LRRC1: variants seen among roughly 807,000 people sequenced by gnomAD.
LRRC1 encodes the protein leucine rich repeat containing 1.
Under a neutral mutation model 69.9 loss-of-function variants are expected in LRRC1, and 28 were observed. The ratio of observed to expected loss-of-function variants is 0.40; its 90% CI spans 0.30 to 0.55. The LOEUF is 0.55. Ranked by LOEUF, LRRC1 falls within the 20% of genes least tolerant of loss-of-function variation. The pLI, the probability that LRRC1 is intolerant of heterozygous loss-of-function variation, is 0.47. For synonymous variants in LRRC1, 236 were observed against 240.2 expected, an observed-to-expected ratio of 0.98 and a Z score of 0.16; for missense variants, 498 against 609.0, an observed-to-expected ratio of 0.82 and a Z score of 1.92.
rs568105165 is a variant in LRRC1 at position 53,866,585 on chromosome 6, C to T, written c.278-12408C>T. On this transcript the variant is annotated intron_variant, in intron 2 of 13. Transcript: ENST00000370888. ...AACGCTTCAAACAAGGAGTATTGGG[C>T]ACTGTGGAAGGCCTCATTATTTGGG... 5.3e-5 allele frequency among the ~76,000 whole-genome samples: 8 copies of T among 152,186 alleles called. No homozygotes were observed. In the South Asian group the frequency reaches 1.7e-3, roughly 32 times the overall value.
At chr6:53,797,663 CA>C (rs1764342403) in intron 1 of LRRC1, among the ~76,000 whole-genome samples, 1 of 152,196 alleles carries the variant, frequency 6.6e-6, no homozygotes, top group Non-Finnish European at 1.5e-5. Context: ...TGTTTGGAAG[CA>C]CAGCTTAAGG....
intron 1 of LRRC1, among the ~76,000 whole-genome samples, chr6:53,795,672 G>T (rs989851033): frequency 1.3e-5 from 2 of 152,200 alleles, no homozygotes; most frequent in Non-Finnish European, 2.9e-5. Context: ...AAGCGTTCTG[G>T]ACTGTTAAGT....
chr6:53,799,864 T>C (rs1177217980), intron 1 of LRRC1, among the ~76,000 whole-genome samples: 1 of 152,350 alleles, frequency 6.6e-6, no homozygotes, highest in African/African-American at 2.4e-5. Context: ...CCTTCTTCTC[T>C]CCATTTTGTT....
chr6:53,886,032 C>T (rs929848765), intron 4 of LRRC1, among the ~76,000 whole-genome samples: 1 of 152,108 alleles, frequency 6.6e-6, no homozygotes, highest in Non-Finnish European at 1.5e-5. Flanking sequence ...TAGGTCCAAA[C>T]ATCTTAATAA....
chr6:53,852,145 C>T (rs979789255), intron 2 of LRRC1, among the ~76,000 whole-genome samples: 2 of 152,158 alleles, frequency 1.3e-5, no homozygotes, highest in Non-Finnish European at 2.9e-5. Flanking sequence ...ATAGCACCTA[C>T]TGTATAGAGA....
intron 2 of LRRC1, among the ~76,000 whole-genome samples, chr6:53,856,153 A>G (rs564008856): frequency 6.6e-6 from 1 of 152,360 alleles, no homozygotes; most frequent in South Asian, 2.1e-4. Context: ...ACAGCAAGCA[A>G]TAGTGAAAGT....
intron 10 of LRRC1, among the ~76,000 whole-genome samples, chr6:53,910,806 G>A (rs1196549219): frequency 6.6e-6 from 1 of 152,146 alleles, no homozygotes; most frequent in Non-Finnish European, 1.5e-5. Context: ...CAAAGCATCC[G>A]CTCCCTCCAT....
At chr6:53,819,117 G>C (rs1765040289) in intron 1 of LRRC1, among the ~76,000 whole-genome samples, 1 of 152,190 alleles carries the variant, frequency 6.6e-6, no homozygotes. Context: ...AATGCCAAGA[G>C]CTGTGGAAGA....
chr6:53,815,593 G>A (rs181823366), intron 1 of LRRC1, among the ~76,000 whole-genome samples: 3 of 152,332 alleles, frequency 2.0e-5, no homozygotes, highest in Admixed American at 2.0e-4. Context: ...CGTGGTGACA[G>A]TTGTTTATAA....
In LRRC1 at chr6:53,880,364, A is replaced by G. The variant is rs182814833; in HGVS notation, c.356+1293A>G. ...CTCTTTCCCCACCATCTTCCATTCA[A>G]CTGTCTCTTCTCTTAAAACCTTTCT... On this transcript the variant is annotated intron_variant, in intron 3 of 13. Transcript: ENST00000370888. 1.2e-4 allele frequency among the ~76,000 whole-genome samples: 18 copies of G among 152,044 alleles called. No homozygotes were observed. In the East Asian group the frequency reaches 3.3e-3, roughly 28 times the overall value.
chr6:53,803,179 C>G (rs1764535010), intron 1 of LRRC1, among the ~76,000 whole-genome samples: 1 of 152,132 alleles, frequency 6.6e-6, no homozygotes, highest in Non-Finnish European at 1.5e-5. Context: ...AGGAGTAAGC[C>G]ACTCTTGAGA....
rs1474777740 is a variant in LRRC1, at chr6:53,886,501, A to G, written c.446+3525A>G. Among the ~76,000 whole-genome samples the G allele has an allele frequency of 3.3e-5, 5 of 152,238 alleles. No homozygotes were observed. The East Asian group carries it at 5.8e-4, about 18-fold the overall frequency. On this transcript the variant is annotated intron_variant, in intron 4 of 13. Transcript: ENST00000370888. ...GCAAAAATTTTAAGGAGCACTTCCT[A>G]TGGTGCAGTTCAAAGACAATCATGA...
intron 4 of LRRC1, among the ~76,000 whole-genome samples, chr6:53,892,009 T>TACACAC (rs761476094): frequency 4.1e-3 from 305 of 74,616 alleles, no homozygotes; most frequent in East Asian, 0.011. Flanking sequence ...AATATATATA[T>TACACAC]ATACACACAC....
chr6:53,904,428 CA>C lies in LRRC1; in HGVS notation c.957del (p.Asp320ThrfsTer5). 6.2e-7 allele frequency: 1 copy of C among 1,611,530 alleles called. No homozygotes were observed. On this transcript the variant is annotated frameshift_variant, in exon 10 of 14. Coordinates refer to ENST00000370888, the MANE Select transcript of LRRC1 (RefSeq NM_018214.5). LOFTEE classifies it high-confidence loss of function. Reference protein sequence around the residue: ...GKLKKLSNLNADRNKLVSLPK... With the variant: ...GKLKKLSNLNXDRNKLVSLPK... ...CTAAAGAAGTTGAGCAACTTGAATGCAGACAGAAATAAATTAGTGTCCTTAC... is the reference window on the plus strand; with the variant it reads ...CTAAAGAAGTTGAGCAACTTGAATGCGACAGAAATAAATTAGTGTCCTTAC...
intron 1 of LRRC1, among the ~76,000 whole-genome samples, chr6:53,835,917 A>T (rs957806422): frequency 6.6e-6 from 1 of 152,126 alleles, no homozygotes; most frequent in Non-Finnish European, 1.5e-5. Flanking sequence ...ATAAATGAAG[A>T]TGATTTCTCT....
intron 1 of LRRC1, among the ~76,000 whole-genome samples, chr6:53,798,718 CA>C (rs1468773622): frequency 6.6e-6 from 1 of 152,194 alleles, no homozygotes; most frequent in East Asian, 1.9e-4. Flanking sequence ...TTGTGACACC[CA>C]ATAGGTCTTG....
At chr6:53,864,426 G>C (rs1766629403) in intron 2 of LRRC1, among the ~76,000 whole-genome samples, 1 of 152,020 alleles carries the variant, frequency 6.6e-6, no homozygotes. Flanking sequence ...CAGCATTTTT[G>C]ACTCCTGCAA....
rs1329234776 is a variant in LRRC1, at chr6:53,920,864, C to T, written c.1416+103C>T. The T allele has an allele frequency of 3.7e-6, 5 of 1,334,552 alleles. No homozygotes were observed. In the African/African-American group the frequency reaches 5.9e-5, roughly 16 times the overall value. 82.7% of individuals were successfully genotyped at this position (1,334,552 alleles called of 1,614,324 possible). On this transcript the variant is annotated intron_variant, in intron 13 of 13. Transcript: ENST00000370888. ...TTATTTTCAATTAGTATGTTCTCTGCTTTGCCTTCAGCATTTAGGAATTTT... is the reference window on the plus strand; with the variant it reads ...TTATTTTCAATTAGTATGTTCTCTGTTTTGCCTTCAGCATTTAGGAATTTT...
chr6:53,795,207 G>A lies in LRRC1; in HGVS notation c.-50G>A, dbSNP rs1467854622. ...AGCCGCCGGCCAGAGCGGGCTCGGA[G>A]CCCGGGTCTCCGCCGCTCGGGACCC... On this transcript the variant is annotated 5_prime_UTR_variant, in exon 1 of 14. Transcript: ENST00000370888. 1.3e-6 allele frequency: 2 copies of A among 1,526,688 alleles called. No individual in the cohort carries two copies. The highest frequency in any genetic ancestry group is 1.4e-5 in the African/African-American group (1 of 72,994). 94.6% of individuals were successfully genotyped at this position (1,526,688 alleles called of 1,614,324 possible).
Sources: gnomAD v4.1 joint callset for allele counts (sites outside exome capture counted in the v4.1 genomes callset) on GRCh38, gnomAD v4.1.1 for gene constraint, MANE v1.5 for transcripts, NCBI Gene and HGNC (gene_info 2026-07-23, HGNC 2026-07-21) for gene names.